Variants in MPDZ observed in about 807,000 individuals in gnomAD.
MPDZ encodes multiple PDZ domain crumbs cell polarity complex component.
A neutral mutation model predicts 239.1 loss-of-function variants in MPDZ; 234 were observed. That is an observed-to-expected ratio of 0.98 (90% CI 0.88 to 1.09). The LOEUF is 1.09. MPDZ is among the 50% of genes least tolerant of loss of function. MPDZ has a pLI of 0.00. For synonymous variants in MPDZ, 1,048 were observed against 881.3 expected (o/e 1.19, Z -3.35); for missense variants, 3,175 against 2,510.0 (o/e 1.26, Z -5.66).
intron 28 of MPDZ, 123 bp from the exon 29 acceptor site, chr9:13,138,276 C>T: frequency 1.8e-6 from 2 of 1,085,902 alleles, no homozygotes; most frequent in East Asian, 2.7e-5. Context: ...TACGCTTTGA[C>T]AGTTAAAAGC....
intron 35 of MPDZ, 105 bp from the exon 36 acceptor site, chr9:13,123,403 G>T: frequency 1.2e-6 from 1 of 845,912 alleles, no homozygotes; most frequent in Non-Finnish European, 1.8e-6. Context: ...AGAGAAATGG[G>T]CCCATGACTG....
intron 34 of MPDZ, 32 bp downstream of exon 34, chr9:13,126,484 A>G: frequency 6.9e-7 from 1 of 1,454,794 alleles, no homozygotes; most frequent in South Asian, 1.2e-5. Flanking sequence ...GGATGGGCCT[A>G]CATTACCATT....
At position 13,162,847 on chromosome 9, in the gene MPDZ, T is replaced by C. The variant is rs367547102; in HGVS notation, c.3255-52A>G. 92 of 1,296,148 alleles carry C rather than the reference T, an allele frequency of 7.1e-5. No individual in the cohort carries two copies. The African/African-American group carries it at 1.2e-3, about 16-fold the overall frequency. The allele number at this position is 1,296,148 out of a possible 1,614,324, so 80.3% of individuals were successfully genotyped here. ...TGAAGGGAAATAATATTTTGCCTAA[T>C]TGTTAGGAAAAGCTTCTAAAATAAA... On this transcript the variant is annotated intron_variant, in intron 22 of 46. Coordinates refer to ENST00000319217, the MANE Select transcript of MPDZ (RefSeq NM_001378778.1).
intron 22 of MPDZ, among the ~76,000 whole-genome samples, chr9:13,167,165 A>G (rs114898987): frequency 0.013 from 1,974 of 152,224 alleles, 50 homozygotes; most frequent in African/African-American, 0.044. Flanking sequence ...GTCATGGAAC[A>G]CTGGCCATAA....
chr9:13,220,636 C>G lies in MPDZ; in HGVS notation c.876+736G>C, dbSNP rs180725675. Among the ~76,000 whole-genome samples the G allele has an allele frequency of 3.2e-3, 484 of 151,788 alleles. 1 individual carries two copies. Among genetic ancestry groups the G allele is most frequent in the African/African-American group, 0.011 (466 of 41,426 alleles). Reference sequence around the variant, plus strand: ...CATACTATTATATTACCGTTAACACCCCTACTGACAAGGTTGCCATTAAAC... The same window carrying G: ...CATACTATTATATTACCGTTAACACGCCTACTGACAAGGTTGCCATTAAAC... On this transcript the variant is annotated intron_variant, in intron 7 of 46. Transcript: ENST00000319217.
intron 8 of MPDZ, among the ~76,000 whole-genome samples, chr9:13,217,944 G>A (rs1958573387): frequency 6.6e-6 from 1 of 151,786 alleles, no homozygotes; most frequent in Non-Finnish European, 1.5e-5. Context: ...GGACTGAAGA[G>A]CAAGTCTCCC....
chr9:13,246,125 C>A (rs1451632973), intron 3 of MPDZ, among the ~76,000 whole-genome samples: 1 of 152,128 alleles, frequency 6.6e-6, no homozygotes, highest in Non-Finnish European at 1.5e-5. Flanking sequence ...TCTCCAAAAG[C>A]TTACCAATCC....
chr9:13,211,278 T>C (rs1006772406), intron 10 of MPDZ, among the ~76,000 whole-genome samples: 38 of 152,110 alleles, frequency 2.5e-4, no homozygotes, highest in African/African-American at 8.2e-4. Context: ...ACCTTCCCCA[T>C]TAAAAATTAA....
intron 24 of MPDZ, among the ~76,000 whole-genome samples, chr9:13,156,429 A>G (rs1261272537): frequency 2.0e-5 from 3 of 152,180 alleles, no homozygotes; most frequent in East Asian, 1.9e-4. Context: ...AAGCCTCACA[A>G]TCATGACAGA....
At chr9:13,217,593 C>CT (rs1245557821) in intron 8 of MPDZ, among the ~76,000 whole-genome samples, 1 of 151,768 alleles carries the variant, frequency 6.6e-6, no homozygotes, top group Non-Finnish European at 1.5e-5. Context: ...TTAGCAAATT[C>CT]TATTTTCAGA....
chr9:13,175,481 T>C (rs1166791899), intron 21 of MPDZ, among the ~76,000 whole-genome samples: 4 of 152,202 alleles, frequency 2.6e-5, no homozygotes, highest in Non-Finnish European at 5.9e-5. Context: ...TGCTGTTTCA[T>C]ACACAAACAA....
At chr9:13,247,067 T>G (rs184905988) in intron 3 of MPDZ, among the ~76,000 whole-genome samples, 5 of 152,222 alleles carry the variant, frequency 3.3e-5, no homozygotes, top group Non-Finnish European at 7.3e-5. Flanking sequence ...GTGTTACATT[T>G]AGAAGTTCTA....
At chr9:13,218,449 A>T (rs551006221) in intron 8 of MPDZ, among the ~76,000 whole-genome samples, 3 of 152,054 alleles carry the variant, frequency 2.0e-5, no homozygotes, top group Admixed American at 6.6e-5. Context: ...GGTTTTCGGT[A>T]TTGCATTCAT....
At chr9:13,253,105 G>T (rs1031211823) in intron 1 of MPDZ, among the ~76,000 whole-genome samples, 4 of 152,044 alleles carry the variant, frequency 2.6e-5, no homozygotes, top group African/African-American at 9.7e-5. Context: ...GAAGTCTGCA[G>T]AGAAAGTACA....
At position 13,110,704 on chromosome 9, in the gene MPDZ, T is replaced by G. The variant is rs1412627292; in HGVS notation, c.5761A>C (p.Thr1921Pro). The change falls in exon 44 of 47, where the codon ACT becomes CCT. Residue 1921 changes from threonine to proline, a missense_variant. Physicochemically the swap from Thr to Pro is conservative, Grantham distance 38 (BLOSUM62 -1). Transcript: ENST00000319217. ...DRIVTICGTS[T>P]EGMTHTQAVN... ...GCTTGGGTGTGAGTCATGCCCTCAG[T>G]GGATGTGCCACAGATGGTGACAATC... 5 of 1,613,664 alleles carry G rather than the reference T, an allele frequency of 3.1e-6. No homozygotes were observed. In the Admixed American group the frequency reaches 8.3e-5, roughly 27 times the overall value.
At chr9:13,229,095 T>A (rs770820818) in intron 3 of MPDZ, among the ~76,000 whole-genome samples, 13 of 152,150 alleles carry the variant, frequency 8.5e-5, no homozygotes, top group Non-Finnish European at 1.6e-4. Flanking sequence ...AAACATAATT[T>A]ATCTTTAGTT....
chr9:13,193,092 A>G (rs1022249396), intron 14 of MPDZ, 75 bp downstream of exon 14: 93 of 1,292,438 alleles, frequency 7.2e-5, no homozygotes, highest in Non-Finnish European at 9.1e-5. Flanking sequence ...ATGAGAATTT[A>G]TTCACCACAT....
At chr9:13,152,436 A>C (rs1949299299) in intron 24 of MPDZ, among the ~76,000 whole-genome samples, 1 of 152,110 alleles carries the variant, frequency 6.6e-6, no homozygotes, top group Non-Finnish European at 1.5e-5. Flanking sequence ...ATAGTGAATA[A>C]GTCTCATGAG....
Position 13,188,664 on chromosome 9 carries a change from A to G in MPDZ, c.2364+120T>C, listed in dbSNP as rs1308714115. On this transcript the variant is annotated intron_variant, in intron 17 of 46. Coordinates refer to ENST00000319217, the MANE Select transcript of MPDZ (RefSeq NM_001378778.1). ...CTTTATACGAATGGAGCTAGTAATC[A>G]CGTTGATGAAAACTACTAAAAGTCA... 6 of 709,170 alleles carry G rather than the reference A, an allele frequency of 8.5e-6. No individual in the cohort carries two copies. The Admixed American group carries it at 1.5e-4, about 17-fold the overall frequency. 43.9% of individuals were successfully genotyped at this position (709,170 alleles called of 1,614,324 possible).
Sources: gnomAD v4.1 joint callset for allele counts (sites outside exome capture counted in the v4.1 genomes callset) on GRCh38, gnomAD v4.1.1 for gene constraint, MANE v1.5 for transcripts, NCBI Gene and HGNC (gene_info 2026-07-23, HGNC 2026-07-21) for gene names.